MICB: variants seen among roughly 807,000 people sequenced by gnomAD.
The protein encoded by MICB is MHC class I antigen-related protein B.
MICB carries 27 observed loss-of-function variants against 34.3 expected under a neutral mutation model. The ratio of observed to expected loss-of-function variants is 0.79; its 90% CI spans 0.58 to 1.08. MICB has a LOEUF of 1.08. MICB is among the 50% of genes least tolerant of loss of function. MICB has a pLI of 0.00. For missense variants in MICB, 426 were observed against 483.1 expected, an observed-to-expected ratio of 0.88 and a Z score of 1.11; for synonymous variants, 153 against 187.4, an observed-to-expected ratio of 0.82 and a Z score of 1.50.
At chr6:31,496,299 C>T (rs1297605810), upstream of MICB, among the ~76,000 whole-genome samples, 1 of 151,882 alleles carries the variant, frequency 6.6e-6, no homozygotes, top group Non-Finnish European at 1.5e-5. Context: ...TCAGTGGCTT[C>T]TAGCATAATC....
At position 31,498,168 on chromosome 6, in the gene MICB, G is replaced by A; in HGVS notation, c.-26G>A. 1 of 1,569,214 alleles carries A rather than the reference G, an allele frequency of 6.4e-7. No individual in the cohort carries two copies. Among genetic ancestry groups the A allele is most frequent in the Non-Finnish European group, 8.7e-7 (1 of 1,154,486 alleles). On this transcript the variant is annotated 5_prime_UTR_variant, in exon 1 of 6. Coordinates refer to ENST00000252229, the MANE Select transcript of MICB (RefSeq NM_005931.5). ...TCATTCAGTTGGCCACTGCTGAGCA[G>A]CTGAGAAGGTGGCGACGTAGGGGCC...
At position 31,507,542 on chromosome 6, in the gene MICB, G is replaced by A; in HGVS notation, c.1024+11G>A. 1 of 1,614,136 alleles carries A rather than the reference G, an allele frequency of 6.2e-7. No individual in the cohort carries two copies. Among genetic ancestry groups the A allele is most frequent in the South Asian group, 1.1e-5 (1 of 91,080 alleles). ...CGGCAGAGGGTCCAGGTGAGAAAAG[G>A]GGACAGTTTCTGGAGATGGGAAAGC... is the stretch of plus-strand genomic sequence containing the variant. On this transcript the variant is annotated intron_variant, in intron 5 of 5. Coordinates refer to ENST00000252229, the MANE Select transcript of MICB (RefSeq NM_005931.5). The surrounding 1 kb of genome is among the most constrained non-coding windows in gnomAD (Gnocchi z 6.0).
rs1159873834 is a variant in MICB, at chr6:31,507,742, C to G, written c.1024+211C>G. ...GGGCTGGGGCAAGGCCTTCGAATAT[C>G]CAGCTGTGGCCTCCTCCTGCTGCAA... On this transcript the variant is annotated intron_variant, in intron 5 of 5. Transcript: ENST00000252229. The surrounding 1 kb of genome is among the most constrained non-coding windows in gnomAD (Gnocchi z 6.0). Among the ~76,000 whole-genome samples the G allele has an allele frequency of 6.6e-6, 1 of 152,150 alleles. No homozygotes were observed. Among genetic ancestry groups the G allele is most frequent in the African/African-American group, 2.4e-5 (1 of 41,432 alleles).
At position 31,506,409 on chromosome 6, in the gene MICB, G is replaced by A. The variant is rs200038192; in HGVS notation, c.592G>A (p.Gly198Arg). The A allele has an allele frequency of 2.0e-5, 32 of 1,614,070 alleles. No homozygotes were observed. Among genetic ancestry groups the A allele is most frequent in the Non-Finnish European group, 1.9e-5 (23 of 1,179,966 alleles). ...LQKLQRYLKS[G>R]VAIRRTVPPM... ...GAAACTACAGCGATATCTGAAATCC[G>A]GGGTGGCCATCAGGAGAACAGGTAC... is the stretch of plus-strand genomic sequence containing the variant. The change falls in exon 3 of 6, where the codon GGG becomes AGG. Residue 198 changes from glycine (G) to arginine (R), a missense_variant. Physicochemically the swap from Gly to Arg is moderately radical, Grantham distance 125. Transcript: ENST00000252229.
chr6:31,499,858 A>C (rs1421180726), intron 1 of MICB, among the ~76,000 whole-genome samples: 39 of 150,986 alleles, frequency 2.6e-4, no homozygotes, highest in African/African-American at 6.1e-4. Flanking sequence ...GCCCTCAGCA[A>C]GTTCTCATCT....
chr6:31,496,794 C>T (rs3095234), upstream of MICB: 122,558 of 152,740 alleles, frequency 0.8, 49,455 homozygotes, highest in East Asian at 0.91. Flanking sequence ...ACCAGCCTAA[C>T]TGGGAAGATT....
intron 1 of MICB, among the ~76,000 whole-genome samples, chr6:31,505,046 A>G (rs4713471): frequency 0.18 from 27,489 of 149,380 alleles, 2,904 homozygotes; most frequent in East Asian, 0.45. Flanking sequence ...AGCCCACATC[A>G]TTGCTCCCCT....
At position 31,507,969 on chromosome 6, in the gene MICB, G is replaced by T. The variant is rs1765449790; in HGVS notation, c.1024+438G>T. On this transcript the variant is annotated intron_variant, in intron 5 of 5. Coordinates refer to ENST00000252229, the MANE Select transcript of MICB (RefSeq NM_005931.5). This position sits in a 1 kb window ranked among gnomAD's most constrained non-coding sequence, Gnocchi z 6.0. ...TCTGGGGAGGGCCAGAAACTGGAGA[G>T]GAATCCAAGGAGAGGCGATGCCCAC... Among the ~76,000 whole-genome samples, 1 of 152,184 alleles carries T rather than the reference G, an allele frequency of 6.6e-6. No homozygotes were observed. The highest frequency in any genetic ancestry group is 2.1e-4 in the South Asian group (1 of 4,830).
In MICB at chr6:31,499,275, T is replaced by TATGACCAATGACC. The variant is rs545841733; in HGVS notation, c.70+1013_70+1014insTGACCAATGACCA. ...CCACCCCTACTAATGACCAATGATCTAAGGACACCAGATTCCCTCTCACCT... is the reference window on the plus strand; with the variant it reads ...CCACCCCTACTAATGACCAATGATCTATGACCAATGACCAAGGACACCAGATTCCCTCTCACCT... On this transcript the variant is annotated intron_variant, in intron 1 of 5. Coordinates refer to ENST00000252229, the MANE Select transcript of MICB (RefSeq NM_005931.5). 2.1e-4 allele frequency among the ~76,000 whole-genome samples: 32 copies of TATGACCAATGACC among 152,084 alleles called. No homozygotes were observed. The South Asian group carries it at 5.6e-3, about 27-fold the overall frequency.
rs200038192 is a variant in MICB, at chr6:31,506,409, G to C, written c.592G>C (p.Gly198Arg). 3.7e-6 allele frequency: 6 copies of C among 1,613,952 alleles called. No homozygotes were observed. In the African/African-American group the frequency reaches 5.3e-5, roughly 14 times the overall value. Residue 198 changes from glycine (G) to arginine (R), a missense_variant, in exon 3 of 6, where the codon GGG (glycine) becomes CGG (arginine). By Grantham distance (125) the Gly-to-Arg change is moderately radical (BLOSUM62 -2). Coordinates refer to ENST00000252229, the MANE Select transcript of MICB (RefSeq NM_005931.5). ...GAAACTACAGCGATATCTGAAATCC[G>C]GGGTGGCCATCAGGAGAACAGGTAC... ...LQKLQRYLKSGVAIRRTVPPM... is the reference protein window; with the variant it reads ...LQKLQRYLKSRVAIRRTVPPM...
chr6:31,503,986 T>TGTGTGTGTGTGTGTGTGTGTGTGTGTGA (rs1371417972), intron 1 of MICB, among the ~76,000 whole-genome samples: 1 of 147,776 alleles, frequency 6.8e-6, no homozygotes, highest in Non-Finnish European at 1.5e-5. Context: ...TGTGTGTGTG[T>TGTGTGTGTGTGTGTGTGTGTGTGTGTGA]GATAATAGCC....
chr6:31,498,027 G>A (rs9267371), upstream of MICB: 2,589 of 404,328 alleles, frequency 6.4e-3, 23 homozygotes, highest in Non-Finnish European at 7.1e-3. Context: ...TCTGAACGTG[G>A]CCCCGCCCTC....
At position 31,507,661 on chromosome 6, in the gene MICB, T is replaced by TTTTTTA; in HGVS notation, c.1024+130_1024+131insTTTTTA. The TTTTTTA allele has an allele frequency of 8.7e-7, 1 of 1,152,982 alleles. No homozygotes were observed. Among genetic ancestry groups the TTTTTTA allele is most frequent in the Non-Finnish European group, 1.2e-6 (1 of 805,532 alleles). The allele number at this position is 1,152,982 out of a possible 1,614,324, so 71.4% of individuals were successfully genotyped here. ...GACAGGGGATGGAAGCTGGGGTATT[T>TTTTTTA]GGGAGGGGAATGGGAGCTGCATCTC... is the stretch of plus-strand genomic sequence containing the variant. On this transcript the variant is annotated intron_variant, in intron 5 of 5. Coordinates refer to ENST00000252229, the MANE Select transcript of MICB (RefSeq NM_005931.5). This position sits in a 1 kb window ranked among gnomAD's most constrained non-coding sequence, Gnocchi z 6.0.
intron 1 of MICB, among the ~76,000 whole-genome samples, chr6:31,504,248 CTTTTTCTTTTT>C (rs1284128349): frequency 5.6e-5 from 4 of 71,434 alleles, no homozygotes; most frequent in African/African-American, 1.7e-4. Flanking sequence ...TAATCTCTCT[CTTTTTCTTTTT>C]TTTTTTTTTT....
Position 31,505,674 on chromosome 6 carries a change from C to G in MICB, c.128C>G (p.Ser43Ter). 6.2e-7 allele frequency: 1 copy of G among 1,612,970 alleles called. No homozygotes were observed. Among genetic ancestry groups the G allele is most frequent in the Non-Finnish European group, 8.5e-7 (1 of 1,179,972 alleles). The change falls in exon 2 of 6, where the codon TCA becomes TGA. Residue 43 changes from serine to a stop codon, truncating the protein, a stop_gained. Transcript: ENST00000252229. LOFTEE classifies it high-confidence loss of function. ...CTGTCCCAGGATGGATCTGTGCAGTCAGGGTTTCTCGCTGAGGGACATCTG... is the reference window on the plus strand; with the variant it reads ...CTGTCCCAGGATGGATCTGTGCAGTGAGGGTTTCTCGCTGAGGGACATCTG... ...MVLSQDGSVQ[S>*]GFLAEGHLDG...
At chr6:31,498,009 T>G, upstream of MICB, 1 of 366,614 alleles carries the variant, frequency 2.7e-6, no homozygotes. Context: ...GCCGCTAGAA[T>G]TTTCTCTTCT....
At chr6:31,502,204 A>G (rs889860459) in intron 1 of MICB, among the ~76,000 whole-genome samples, 10 of 152,168 alleles carry the variant, frequency 6.6e-5, no homozygotes, top group African/African-American at 2.4e-4. Flanking sequence ...GCGTGGTGGC[A>G]TATGCCTGTA....
intron 3 of MICB, among the ~76,000 whole-genome samples, 169 bp downstream of exon 3, chr6:31,506,599 G>C (rs183512227): frequency 2.6e-4 from 40 of 152,342 alleles, no homozygotes; most frequent in Non-Finnish European, 1.8e-4. Flanking sequence ...TAAAGACAGT[G>C]GGTCTGGGAC....
At chr6:31,498,305 C>T (rs766289935) in intron 1 of MICB, 42 bp downstream of exon 1, 4 of 1,492,092 alleles carry the variant, frequency 2.7e-6, no homozygotes, top group African/African-American at 1.4e-5. Context: ...GCGGGAGCGG[C>T]GGGGCGTTTC....
Sources: allele counts gnomAD v4.1 joint callset (sites outside exome capture counted in the v4.1 genomes callset), GRCh38; gene constraint gnomAD v4.1.1; non-coding constraint Gnocchi (gnomAD v3.1); transcripts MANE v1.5; gene names NCBI Gene and HGNC (gene_info 2026-07-23, HGNC 2026-07-21).